Variants in LRRC15 observed in about 807,000 individuals in gnomAD.
The protein encoded by LRRC15 is leucine rich repeat containing 15, also known as leucine-rich repeat-containing protein 15.
A neutral mutation model predicts 4.3 loss-of-function variants in LRRC15; 5 were observed. The ratio of observed to expected loss-of-function variants is 1.16; its 90% CI spans 0.61 to 2.44. The LOEUF is 2.44. LRRC15 is among the 30% of genes most tolerant of loss of function. The pLI is 0.01. For missense variants in LRRC15, 769 were observed against 747.0 expected, an observed-to-expected ratio of 1.03 and a Z score of -0.34; for synonymous variants, 337 against 323.2, an observed-to-expected ratio of 1.04 and a Z score of -0.46.
At chr3:194,366,187 C>T (rs1713768787) in intron 1 of LRRC15, among the ~76,000 whole-genome samples, 1 of 152,212 alleles carries the variant, frequency 6.6e-6, no homozygotes, top group Non-Finnish European at 1.5e-5. Flanking sequence ...GCCTCCAGAC[C>T]TCCCCATCTC....
At chr3:194,364,019 T>C (rs958106399) in intron 1 of LRRC15, among the ~76,000 whole-genome samples, 6 of 152,080 alleles carry the variant, frequency 3.9e-5, no homozygotes, top group African/African-American at 1.4e-4. Context: ...GTAGCAGATT[T>C]CAGTTCACAC....
At chr3:194,366,482 C>A (rs993145519) in intron 1 of LRRC15, among the ~76,000 whole-genome samples, 1 of 152,162 alleles carries the variant, frequency 6.6e-6, no homozygotes, top group Non-Finnish European at 1.5e-5. Flanking sequence ...CCAAGTGACT[C>A]CAATGCAGGA....
In LRRC15 at chr3:194,359,369, C is replaced by G; in HGVS notation, c.1675G>C (p.Val559Leu). Residue 559 changes from valine to leucine, a missense_variant, in exon 2 of 2, where the codon GTC becomes CTC. Val to Leu is a conservative substitution (Grantham distance 32, BLOSUM62 1). Coordinates refer to ENST00000347624, the MANE Select transcript of LRRC15 (RefSeq NM_130830.5). The part of the protein sequence containing the change: ...VALACSLAAC[V>L]GCCCCKKRSQ... Reference sequence around the variant, plus strand: ...CTCTTCTTGCAGCAGCAACAGCCGACGCAGGCAGCCAGGGAGCAGGCCAGG... The same window carrying G: ...CTCTTCTTGCAGCAGCAACAGCCGAGGCAGGCAGCCAGGGAGCAGGCCAGG... 6.2e-7 allele frequency: 1 copy of G among 1,614,074 alleles called. No individual in the cohort carries two copies. Among genetic ancestry groups the G allele is most frequent in the Non-Finnish European group, 8.5e-7 (1 of 1,179,974 alleles).
intron 1 of LRRC15, among the ~76,000 whole-genome samples, chr3:194,366,946 G>A (rs1203871117): frequency 1.3e-5 from 2 of 152,064 alleles, no homozygotes; most frequent in Non-Finnish European, 2.9e-5. Context: ...CCGGGATTTG[G>A]GACCTTGTCA....
intron 1 of LRRC15, among the ~76,000 whole-genome samples, chr3:194,368,332 G>C (rs1164122954): frequency 6.6e-6 from 1 of 152,038 alleles, no homozygotes; most frequent in East Asian, 1.9e-4. Context: ...GCCATTTACT[G>C]AGCGAGCTAA....
Position 194,359,221 on chromosome 3 carries a change from C to T in LRRC15, c.*77G>A. 2.2e-6 allele frequency: 3 copies of T among 1,371,402 alleles called. No homozygotes were observed. Among genetic ancestry groups the T allele is most frequent in the Admixed American group, 4.6e-5 (2 of 43,338 alleles). 85.0% of individuals were successfully genotyped at this position (1,371,402 alleles called of 1,614,324 possible). On this transcript the variant is annotated 3_prime_UTR_variant, in exon 2 of 2. Coordinates refer to ENST00000347624, the MANE Select transcript of LRRC15 (RefSeq NM_130830.5). ...CAATCACGGGAAAGCTCCATGGACCCAGGGGTGGAGGCAGAAAGATGAAAT... is the reference window on the plus strand; with the variant it reads ...CAATCACGGGAAAGCTCCATGGACCTAGGGGTGGAGGCAGAAAGATGAAAT...
At chr3:194,367,291 CT>C (rs1713809542) in intron 1 of LRRC15, among the ~76,000 whole-genome samples, 1 of 151,982 alleles carries the variant, frequency 6.6e-6, no homozygotes. Context: ...GTGTGTGGAT[CT>C]TTATTTTTTT....
intron 1 of LRRC15, among the ~76,000 whole-genome samples, chr3:194,367,123 T>C (rs2108660558): frequency 6.6e-6 from 1 of 152,254 alleles, no homozygotes. Flanking sequence ...ATTTCTTCTT[T>C]AAGGCTGCTC....
chr3:194,364,630 G>A (rs1178685828), intron 1 of LRRC15, among the ~76,000 whole-genome samples: 1 of 152,210 alleles, frequency 6.6e-6, no homozygotes, highest in East Asian at 1.9e-4. Flanking sequence ...AAGGGCTTGT[G>A]CCAGGGAAGG....
rs747632619 is a variant in LRRC15, at chr3:194,359,810, G to A, written c.1234C>T (p.Leu412=). ...ENLPLGIFDH[L]GKLCELRLYD... ...AGCCGCAGCTCACACAGTTTCCCCA[G>A]GTGATCGAAGATGCCGAGGGGCAAG... The change falls in exon 2 of 2, where the codon CTG becomes TTG. Residue 412 remains leucine, a synonymous_variant. Coordinates refer to ENST00000347624, the MANE Select transcript of LRRC15 (RefSeq NM_130830.5). 1.2e-6 allele frequency: 2 copies of A among 1,614,008 alleles called. No individual in the cohort carries two copies. Among genetic ancestry groups the A allele is most frequent in the East Asian group, 2.2e-5 (1 of 44,896 alleles).
At chr3:194,362,172 T>A (rs1230980117) in intron 1 of LRRC15, among the ~76,000 whole-genome samples, 2 of 151,164 alleles carry the variant, frequency 1.3e-5, no homozygotes, top group Non-Finnish European at 2.9e-5. Context: ...TGTAGAGATA[T>A]GGGACATAGG....
chr3:194,359,407 A>G lies in LRRC15; in HGVS notation c.1637T>C (p.Ile546Thr). Residue 546 changes from isoleucine to threonine, a missense_variant, in exon 2 of 2, where the codon ATT becomes ACT. Ile to Thr is a moderately conservative substitution (Grantham distance 89). Transcript: ENST00000347624. ...QSGLAIAAIV[I>T]GIVALACSLA... is the part of the protein sequence containing the mutation. Reference sequence around the variant, plus strand: ...GGAGCAGGCCAGGGCGACAATGCCAATTACAATGGCGGCAATGGCCAGCCC... The same window carrying G: ...GGAGCAGGCCAGGGCGACAATGCCAGTTACAATGGCGGCAATGGCCAGCCC... 6.2e-7 allele frequency: 1 copy of G among 1,614,148 alleles called. No homozygotes were observed. The highest frequency in any genetic ancestry group is 8.5e-7 in the Non-Finnish European group (1 of 1,180,028).
rs1425857364 is a variant in LRRC15 at position 194,355,436 on chromosome 3, A to G, written c.*3862T>C. 1 of 152,252 alleles carries G rather than the reference A, an allele frequency of 6.6e-6. No homozygotes were observed. The highest frequency in any genetic ancestry group is 1.5e-5 in the Non-Finnish European group (1 of 68,044). 9.4% of individuals were successfully genotyped at this position (152,252 alleles called of 1,614,324 possible). ...CAGTAATTCTCTAAGCAAGGCAAAC[A>G]TGATCTAGCTTTGAAGGCAGCATGA... On this transcript the variant is annotated 3_prime_UTR_variant, in exon 2 of 2. Transcript: ENST00000347624.
chr3:194,368,205 G>A (rs1470211027), intron 1 of LRRC15, among the ~76,000 whole-genome samples: 1 of 152,224 alleles, frequency 6.6e-6, no homozygotes, highest in Non-Finnish European at 1.5e-5. Flanking sequence ...AGGATTCAGG[G>A]CAGCAAATTG....
intron 1 of LRRC15, among the ~76,000 whole-genome samples, chr3:194,366,580 C>A (rs1389183829): frequency 6.6e-6 from 1 of 152,164 alleles, no homozygotes; most frequent in Non-Finnish European, 1.5e-5. Flanking sequence ...CCGCTGAGAA[C>A]GAGAGGACCC....
chr3:194,366,977 T>G (rs4974534), intron 1 of LRRC15, among the ~76,000 whole-genome samples: 1 of 152,038 alleles, frequency 6.6e-6, no homozygotes, highest in Non-Finnish European at 1.5e-5. Context: ...TGGCAGGGCC[T>G]GGGATTGGGG....
At chr3:194,367,210 T>G (rs149806659) in intron 1 of LRRC15, among the ~76,000 whole-genome samples, 202 of 152,324 alleles carry the variant, frequency 1.3e-3, no homozygotes, top group African/African-American at 4.7e-3. Context: ...CACCAGAAGG[T>G]GTTGACCCCT....
At chr3:194,361,154 A>G in intron 1 of LRRC15, 108 bp from the exon 2 acceptor site, 1 of 907,626 alleles carries the variant, frequency 1.1e-6, no homozygotes, top group Non-Finnish European at 1.6e-6. Flanking sequence ...TTTGAACCCC[A>G]TCATCACATA....
At chr3:194,368,657 G>A (rs781269350) in intron 1 of LRRC15, among the ~76,000 whole-genome samples, 13 of 152,142 alleles carry the variant, frequency 8.5e-5, no homozygotes, top group Non-Finnish European at 1.8e-4. Context: ...AAGCTGGCAC[G>A]TGGCAGACAG....
Sources: allele counts gnomAD v4.1 joint callset (sites outside exome capture counted in the v4.1 genomes callset), GRCh38; gene constraint gnomAD v4.1.1; transcripts MANE v1.5; gene names NCBI Gene and HGNC (gene_info 2026-07-23, HGNC 2026-07-21).